SEC14L3: variants seen among roughly 807,000 people sequenced by gnomAD.
SEC14L3 encodes SEC14-like protein 3.
In SEC14L3, 56 loss-of-function variants were observed where a neutral mutation model predicts 57.4. The observed-to-expected ratio is 0.97, with a 90% CI of 0.79 to 1.22. The LOEUF (loss-of-function observed/expected upper bound fraction) is 1.22, where lower values mean the gene tolerates loss of function less well. Among genes scored for constraint, SEC14L3 ranks in the 50% most tolerant of loss-of-function variants. SEC14L3 has a pLI of 0.00. For missense variants in SEC14L3, 485 were observed against 511.7 expected (o/e 0.95, Z 0.50); for synonymous variants, 173 against 194.4 (o/e 0.89, Z 0.92).
intron 12 of SEC14L3, among the ~76,000 whole-genome samples, chr22:30,452,713 CTTTCT>C (rs1442005643): frequency 3.4e-4 from 47 of 137,172 alleles, no homozygotes; most frequent in African/African-American, 1.1e-3. Flanking sequence ...TTCTTTCTTT[CTTTCT>C]TTTTTTTTTT....
chr22:30,452,775 G>A (rs1601808169), intron 12 of SEC14L3, among the ~76,000 whole-genome samples: 1 of 146,106 alleles, frequency 6.8e-6, no homozygotes, highest in East Asian at 2.0e-4. Flanking sequence ...GTGCAGTGGT[G>A]TGATCTTGGC....
intron 12 of SEC14L3, among the ~76,000 whole-genome samples, chr22:30,450,661 T>C (rs1437167282): frequency 6.6e-6 from 1 of 151,896 alleles, no homozygotes; most frequent in African/African-American, 2.4e-5. Flanking sequence ...TTTCAAGTTA[T>C]GGGACCCTGG....
At chr22:30,469,895 A>G (rs1393423745) in intron 4 of SEC14L3, 124 bp downstream of exon 4, 2 of 705,880 alleles carry the variant, frequency 2.8e-6, no homozygotes, top group Non-Finnish European at 4.9e-6. Context: ...TGACTGTAGG[A>G]AAGGAGACTG....
Position 30,461,629 on chromosome 22 carries a change from C to T in SEC14L3, c.837G>A (p.Glu279=). 6.2e-7 allele frequency: 1 copy of T among 1,614,074 alleles called. No individual in the cohort carries two copies. Among genetic ancestry groups the T allele is most frequent in the Non-Finnish European group, 8.5e-7 (1 of 1,180,008 alleles). ...YVRDQVKTQY[E]HSVQINRGSS... ...AGCCGCGGTTGATCTGCACCGAGTG[C>T]TCGTACTGAGTCTTCACCTGGTCCC... Residue 279 remains glutamate, a synonymous_variant, in exon 10 of 12, where the codon GAG becomes GAA. Transcript: ENST00000215812.
intron 11 of SEC14L3, 102 bp downstream of exon 11, chr22:30,461,208 T>A: frequency 7.1e-7 from 1 of 1,402,820 alleles, no homozygotes; most frequent in Non-Finnish European, 9.7e-7. Context: ...TGTGTGTCCC[T>A]GAATGGGGGA....
intron 9 of SEC14L3, 141 bp downstream of exon 9, chr22:30,461,945 T>G: frequency 9.5e-7 from 1 of 1,053,168 alleles, no homozygotes; most frequent in Admixed American, 2.1e-5. Context: ...GAGAGCTCTG[T>G]AAGGGCGAGG....
intron 11 of SEC14L3, among the ~76,000 whole-genome samples, chr22:30,461,025 G>A (rs1053719610): frequency 2.6e-5 from 4 of 152,004 alleles, no homozygotes; most frequent in South Asian, 2.1e-4. Context: ...TCAGAGCCTC[G>A]GTTTCCTCAT....
At chr22:30,452,733 T>TTTTGAGATG (rs1935013101) in intron 12 of SEC14L3, among the ~76,000 whole-genome samples, 1 of 148,348 alleles carries the variant, frequency 6.7e-6, no homozygotes, top group African/African-American at 2.5e-5. Flanking sequence ...TTTTTTTTTT[T>TTTTGAGATG]GACAGGTTCT....
downstream of SEC14L3, among the ~76,000 whole-genome samples, chr22:30,457,366 T>A (rs58401532): frequency 6.8e-6 from 1 of 146,840 alleles, no homozygotes; most frequent in South Asian, 2.2e-4. Flanking sequence ...ATGGATACAT[T>A]TTAAGTATGT....
chr22:30,464,977 C>A, intron 7 of SEC14L3, 74 bp from the exon 8 acceptor site: 1 of 1,602,956 alleles, frequency 6.2e-7, no homozygotes, highest in South Asian at 1.1e-5. Flanking sequence ...TGGTTATAGC[C>A]AATGATACAG....
At chr22:30,454,628 ATAT>A (rs562714147), downstream of SEC14L3, among the ~76,000 whole-genome samples, 4,561 of 108,124 alleles carry the variant, frequency 0.042, 202 homozygotes, top group Non-Finnish European at 0.048. Context: ...ATAATCTATA[ATAT>A]TATTAGATAT....
intron 12 of SEC14L3, among the ~76,000 whole-genome samples, chr22:30,450,168 T>C (rs1934953679): frequency 6.6e-6 from 1 of 152,188 alleles, no homozygotes; most frequent in Admixed American, 6.5e-5. Flanking sequence ...ATGGGATGGC[T>C]ATGTTGAGGT....
At chr22:30,449,763 C>T (rs1396878250) in intron 12 of SEC14L3, among the ~76,000 whole-genome samples, 1 of 152,056 alleles carries the variant, frequency 6.6e-6, no homozygotes, top group African/African-American at 2.4e-5. Context: ...TGGGGTTTCA[C>T]CATGTTGGCC....
At position 30,465,824 on chromosome 22, in the gene SEC14L3, CA is replaced by C. The variant is rs1935399742; in HGVS notation, c.580+509del. Among the ~76,000 whole-genome samples the C allele has an allele frequency of 2.0e-5, 3 of 152,326 alleles. No individual in the cohort carries two copies. In the South Asian group the frequency reaches 6.2e-4, roughly 32 times the overall value. On this transcript the variant is annotated intron_variant, in intron 7 of 11. Coordinates refer to ENST00000215812, the MANE Select transcript of SEC14L3 (RefSeq NM_174975.5). ...GCAACCAACTGATCAACCAACTAGC[CA>C]ATCACCAAACATCCATCCATCCTTT...
At position 30,463,351 on chromosome 22, in the gene SEC14L3, AC is replaced by A. The variant is rs562626530; in HGVS notation, c.665-1160del. Among the ~76,000 whole-genome samples, 29 of 152,134 alleles carry A rather than the reference AC, an allele frequency of 1.9e-4. No homozygotes were observed. In the South Asian group the frequency reaches 5.8e-3, roughly 31 times the overall value. ...CTAATCCAGGCTACCCGGTCCCCCA[AC>A]CCCCTCACTTTGGCCATGGGAGGTT... On this transcript the variant is annotated intron_variant, in intron 8 of 11. Transcript: ENST00000215812.
chr22:30,459,336 G>A lies in SEC14L3; in HGVS notation c.*685C>T, dbSNP rs1045032183. On this transcript the variant is annotated 3_prime_UTR_variant, in exon 12 of 12. Coordinates refer to ENST00000215812, the MANE Select transcript of SEC14L3 (RefSeq NM_174975.5). ...CAACAAGGGAAGTGGGTTAGGGTGG[G>A]AAGCTGAGCGTGCAAGTCAGACAAA... 1 of 985,458 alleles carries A rather than the reference G, an allele frequency of 1.0e-6. No homozygotes were observed. The highest frequency in any genetic ancestry group is 1.2e-6 in the Non-Finnish European group (1 of 829,948). The allele number at this position is 985,458 out of a possible 1,614,324, so 61.0% of individuals were successfully genotyped here.
chr22:30,460,151 C>A lies in SEC14L3; in HGVS notation c.1082-9G>T, dbSNP rs1335600060. On this transcript the variant is annotated splice_polypyrimidine_tract_variant and intron_variant, in intron 11 of 11. Coordinates refer to ENST00000215812, the MANE Select transcript of SEC14L3 (RefSeq NM_174975.5). ...GTCGAAGCGTAGGACATCTGGGGGA[C>A]AGATGGAAAGAGGGGCATTGGGCTT... is the stretch of plus-strand genomic sequence containing the variant. The A allele has an allele frequency of 1.2e-6, 2 of 1,613,122 alleles. No homozygotes were observed. Among genetic ancestry groups the A allele is most frequent in the African/African-American group, 2.7e-5 (2 of 74,888 alleles).
downstream of SEC14L3, among the ~76,000 whole-genome samples, chr22:30,457,487 A>G (rs897648041): frequency 6.7e-6 from 1 of 148,264 alleles, no homozygotes; most frequent in African/African-American, 2.5e-5. Flanking sequence ...GATTCAAGAG[A>G]TTCTCATGCC....
rs143843186 is a variant in SEC14L3, at chr22:30,465,799, G to T, written c.580+535C>A. The stretch of plus-strand genomic sequence containing the variant: ...GCCAGTCAGCTGAACAACCAATCAA[G>T]CAACCAACTGATCAACCAACTAGCC... On this transcript the variant is annotated intron_variant, in intron 7 of 11. Coordinates refer to ENST00000215812, the MANE Select transcript of SEC14L3 (RefSeq NM_174975.5). 1.8e-4 allele frequency among the ~76,000 whole-genome samples: 27 copies of T among 152,238 alleles called. No homozygotes were observed. In the East Asian group the frequency reaches 5.2e-3, roughly 29 times the overall value.
Sources: gnomAD v4.1 joint callset for allele counts (sites outside exome capture counted in the v4.1 genomes callset) on GRCh38, gnomAD v4.1.1 for gene constraint, MANE v1.5 for transcripts, NCBI Gene and HGNC (gene_info 2026-07-23, HGNC 2026-07-21) for gene names.